Variants in ZMYND11 observed in about 807,000 individuals in gnomAD.
The protein encoded by ZMYND11 is zinc finger MYND domain-containing protein 11.
ZMYND11 carries 9 observed loss-of-function variants against 84.9 expected under a neutral mutation model. The observed-to-expected ratio is 0.11, with a 90% confidence interval of 0.06 to 0.18. The LOEUF (loss-of-function observed/expected upper bound fraction) is 0.18, where lower values mean the gene tolerates loss of function less well. Among genes scored for constraint, ZMYND11 ranks in the 10% least tolerant of loss-of-function variants. ZMYND11 has a pLI of 1.00. For missense variants in ZMYND11, 409 were observed against 761.0 expected (o/e 0.54, Z 5.44); for synonymous variants, 250 against 244.1 (o/e 1.02, Z -0.23).
At chr10:238,873 A>C (rs1332670660) in intron 6 of ZMYND11, among the ~76,000 whole-genome samples, 2 of 152,146 alleles carry the variant, frequency 1.3e-5, no homozygotes, top group African/African-American at 4.8e-5. Flanking sequence ...CACTGCCTTT[A>C]CTCATGCAGG....
At chr10:145,695 T>C (rs782471754) in intron 1 of ZMYND11, among the ~76,000 whole-genome samples, 17 of 152,176 alleles carry the variant, frequency 1.1e-4, no homozygotes, top group Non-Finnish European at 1.5e-5. Context: ...TGTATATCTT[T>C]CTTTGAGAAG....
intron 3 of ZMYND11, among the ~76,000 whole-genome samples, chr10:219,191 A>G (rs946227820): frequency 1.3e-4 from 20 of 152,192 alleles, no homozygotes; most frequent in African/African-American, 4.6e-4. Flanking sequence ...TAATGGGTGG[A>G]TGGGGAAAGG....
chr10:224,119 A>G (rs1056962192), intron 4 of ZMYND11, among the ~76,000 whole-genome samples: 1 of 152,200 alleles, frequency 6.6e-6, no homozygotes, highest in Admixed American at 6.5e-5. Context: ...GTTTGCAGTG[A>G]TTGGAATACT....
chr10:186,943 A>C (rs1938736777), intron 2 of ZMYND11, among the ~76,000 whole-genome samples: 1 of 152,118 alleles, frequency 6.6e-6, no homozygotes, highest in Non-Finnish European at 1.5e-5. Context: ...TTCCTTTTTA[A>C]AAAACTGCTG....
At chr10:173,099 A>G (rs1845746990) in intron 1 of ZMYND11, among the ~76,000 whole-genome samples, 1 of 152,160 alleles carries the variant, frequency 6.6e-6, no homozygotes. Flanking sequence ...ATTAACTGAA[A>G]ATGGATCAGA....
chr10:201,211 T>A (rs1449291326), intron 2 of ZMYND11, among the ~76,000 whole-genome samples: 1 of 152,126 alleles, frequency 6.6e-6, no homozygotes, highest in African/African-American at 2.4e-5. Flanking sequence ...TTTATCCAGA[T>A]TACCTAGAAT....
intron 1 of ZMYND11, among the ~76,000 whole-genome samples, chr10:145,005 A>G (rs184032818): frequency 2.0e-5 from 3 of 151,204 alleles, no homozygotes. Flanking sequence ...AGTTCTCACA[A>G]GTGAGAACAT....
intron 3 of ZMYND11, among the ~76,000 whole-genome samples, chr10:211,253 ATCT>A (rs1399316105): frequency 1.3e-5 from 2 of 151,944 alleles, no homozygotes; most frequent in African/African-American, 2.4e-5. Context: ...GAAAAAAAAA[ATCT>A]ATCTATAGAT....
chr10:213,117 G>T (rs1945544456), intron 3 of ZMYND11, among the ~76,000 whole-genome samples: 1 of 152,112 alleles, frequency 6.6e-6, no homozygotes, highest in African/African-American at 2.4e-5. Context: ...CCAGTGCGTG[G>T]AGGTTGTTGC....
In ZMYND11 at chr10:247,479, C is replaced by T. The variant is rs1476186276; in HGVS notation, c.1227+13C>T. 1 of 1,613,272 alleles carries T rather than the reference C, an allele frequency of 6.2e-7. No individual in the cohort carries two copies. Among genetic ancestry groups the T allele is most frequent in the East Asian group, 2.2e-5 (1 of 44,836 alleles). On this transcript the variant is annotated intron_variant, in intron 12 of 14. Transcript: ENST00000381604. ...GCCCAAAAAGGAAGTAAGTTGCCCA[C>T]CTCGCAGTATCCAGGTGGCAAATGA...
At chr10:247,948 G>C (rs1952509057) in intron 12 of ZMYND11, among the ~76,000 whole-genome samples, 1 of 152,148 alleles carries the variant, frequency 6.6e-6, no homozygotes, top group South Asian at 2.1e-4. Context: ...AAGTGGTTTA[G>C]GATTTGAGGA....
At position 221,302 on chromosome 10, in the gene ZMYND11, T is replaced by C; in HGVS notation, c.384T>C (p.Ser128=). 6.2e-7 allele frequency: 1 copy of C among 1,614,060 alleles called. No homozygotes were observed. Residue 128 remains serine (S), a synonymous_variant, in exon 4 of 15, where the codon TCT becomes TCC. Coordinates refer to ENST00000381604, the MANE Select transcript of ZMYND11 (RefSeq NM_001370100.5). ...CFRVYHSKCL[S]DEFRLRDSSS... is the part of the protein sequence containing the mutation. Reference sequence around the variant, plus strand: ...GTGTGTATCATTCCAAGTGTTTGTCTGATGAGTTCAGGCTTAGAGACAGCA... The same window carrying C: ...GTGTGTATCATTCCAAGTGTTTGTCCGATGAGTTCAGGCTTAGAGACAGCA...
intron 2 of ZMYND11, among the ~76,000 whole-genome samples, chr10:192,661 C>T (rs1295864416): frequency 2.0e-5 from 3 of 152,220 alleles, no homozygotes; most frequent in African/African-American, 7.2e-5. Flanking sequence ...GGGCCACCTC[C>T]GTCTTCGTGC....
At chr10:157,530 C>T (rs184973787) in intron 1 of ZMYND11, among the ~76,000 whole-genome samples, 3 of 152,132 alleles carry the variant, frequency 2.0e-5, no homozygotes, top group East Asian at 1.9e-4. Context: ...TAAAAATTAA[C>T]AGTAATGACA....
intron 12 of ZMYND11, 33 bp from the exon 13 acceptor site, chr10:248,303 G>A (rs376769556): frequency 7.6e-5 from 122 of 1,596,542 alleles, no homozygotes; most frequent in African/African-American, 5.5e-4. Flanking sequence ...ATGTGGCTTC[G>A]TTTGGCGTCT....
chr10:145,004 A>T (rs1214370869), intron 1 of ZMYND11, among the ~76,000 whole-genome samples: 2 of 151,194 alleles, frequency 1.3e-5, no homozygotes, highest in Non-Finnish European at 2.9e-5. Flanking sequence ...TAGTTCTCAC[A>T]AGTGAGAACA....
rs534373730 is a variant in ZMYND11 at position 172,952 on chromosome 10, T to C, written c.-19-7042T>C. Among the ~76,000 whole-genome samples the C allele has an allele frequency of 7.9e-5, 12 of 152,134 alleles. No homozygotes were observed. The South Asian group carries it at 2.5e-3, about 32-fold the overall frequency. ...CACATAAATACAGTCAGTTCAACTTTTACCAAGGAGCAGAGGCAATACATT... is the reference window on the plus strand; with the variant it reads ...CACATAAATACAGTCAGTTCAACTTCTACCAAGGAGCAGAGGCAATACATT... On this transcript the variant is annotated intron_variant, in intron 1 of 14. Coordinates refer to ENST00000381604, the MANE Select transcript of ZMYND11 (RefSeq NM_001370100.5).
At chr10:167,435 T>A (rs1196317961) in intron 1 of ZMYND11, among the ~76,000 whole-genome samples, 1 of 152,168 alleles carries the variant, frequency 6.6e-6, no homozygotes, top group Non-Finnish European at 1.5e-5. Context: ...TGAAAAGTCC[T>A]GAAATATCCT....
chr10:225,673 C>CAT (rs1016486784), intron 4 of ZMYND11, among the ~76,000 whole-genome samples: 26 of 152,200 alleles, frequency 1.7e-4, no homozygotes, highest in African/African-American at 6.0e-4. Flanking sequence ...GCTTCATTTT[C>CAT]ATATATATAG....
Sources: gnomAD v4.1 joint callset for allele counts (sites outside exome capture counted in the v4.1 genomes callset) on GRCh38, gnomAD v4.1.1 for gene constraint, MANE v1.5 for transcripts, NCBI Gene and HGNC (gene_info 2026-07-23, HGNC 2026-07-21) for gene names.